Variants in CDK15 observed in about 807,000 individuals in gnomAD.
The protein encoded by CDK15 is cyclin dependent kinase 15.
In CDK15, 62 loss-of-function variants were observed where a neutral mutation model predicts 60.3. The ratio of observed to expected loss-of-function variants is 1.03; its 90% CI spans 0.84 to 1.27. The LOEUF is 1.27. CDK15 is among the 50% of genes most tolerant of loss of function. The pLI is 0.00. For synonymous variants in CDK15, 194 were observed against 195.7 expected, an observed-to-expected ratio of 0.99 and a Z score of 0.07; for missense variants, 541 against 527.8, an observed-to-expected ratio of 1.03 and a Z score of -0.25.
At chr2:201,867,364 C>A (rs1441165012) in intron 10 of CDK15, among the ~76,000 whole-genome samples, 3 of 152,084 alleles carry the variant, frequency 2.0e-5, no homozygotes, top group Non-Finnish European at 4.4e-5. Flanking sequence ...GTGGCTCATG[C>A]CTGTAATCCT....
chr2:201,820,024 A>C (rs1696152132), intron 4 of CDK15, among the ~76,000 whole-genome samples: 1 of 152,214 alleles, frequency 6.6e-6, no homozygotes, highest in Non-Finnish European at 1.5e-5. Context: ...TAATGAACAA[A>C]TCATGCCATC....
At chr2:201,807,377 G>A in intron 1 of CDK15, 117 bp from the exon 2 acceptor site, 2 of 1,090,634 alleles carry the variant, frequency 1.8e-6, no homozygotes, top group Non-Finnish European at 2.6e-6. Context: ...GGGGGTACAG[G>A]AAGCTTAGAA....
intron 12 of CDK15, chr2:201,888,534 A>T (rs1699539954): frequency 3.3e-6 from 5 of 1,504,516 alleles, no homozygotes; most frequent in Non-Finnish European, 4.4e-6. Flanking sequence ...AAGGTTTTGC[A>T]TTTGTGAGAT....
intron 11 of CDK15, among the ~76,000 whole-genome samples, chr2:201,874,808 A>T (rs1359774212): frequency 6.6e-6 from 1 of 152,144 alleles, no homozygotes; most frequent in African/African-American, 2.4e-5. Context: ...CTAGTATTGG[A>T]TGTATTTCTG....
Position 201,895,291 on chromosome 2 carries a change from T to C in CDK15, c.*2024T>C, listed in dbSNP as rs1434191494. 6.6e-6 allele frequency: 1 copy of C among 152,242 alleles called. No individual in the cohort carries two copies. The highest frequency in any genetic ancestry group is 1.9e-4 in the East Asian group (1 of 5,196). The allele number at this position is 152,242 out of a possible 1,614,324, so 9.4% of individuals were successfully genotyped here. ...TACTTGGAATTATGCTTAGATACTA[T>C]TGCTGCAGGAATGAATAGACAAATT... On this transcript the variant is annotated 3_prime_UTR_variant, in exon 14 of 14. Transcript: ENST00000652192.
intron 9 of CDK15, among the ~76,000 whole-genome samples, chr2:201,852,012 T>A (rs540624495): frequency 6.6e-6 from 1 of 152,154 alleles, no homozygotes; most frequent in African/African-American, 2.4e-5. Flanking sequence ...CCTTATATAT[T>A]TTTGATATTA....
chr2:201,809,154 T>C (rs1394515147), intron 3 of CDK15, among the ~76,000 whole-genome samples: 2 of 152,146 alleles, frequency 1.3e-5, no homozygotes, highest in African/African-American at 2.4e-5. Flanking sequence ...AGCTTCCTCA[T>C]ATCAATTTGG....
chr2:201,842,126 T>C (rs1442266923), intron 8 of CDK15, among the ~76,000 whole-genome samples: 7 of 152,176 alleles, frequency 4.6e-5, no homozygotes, highest in Non-Finnish European at 1.0e-4. Flanking sequence ...ACTCTGCACG[T>C]ATTAAATGAT....
chr2:201,890,767 C>G lies in CDK15; in HGVS notation c.1199-18C>G, dbSNP rs577514148. 9 of 1,566,772 alleles carry G rather than the reference C, an allele frequency of 5.7e-6. No homozygotes were observed. Among genetic ancestry groups the G allele is most frequent in the Non-Finnish European group, 7.9e-6 (9 of 1,144,052 alleles). ...CAGGAAATAACATATTGGTGCTTCT[C>G]TCTTTTCATTCCTACAGAGGAGTCT... On this transcript the variant is annotated intron_variant, in intron 12 of 13. Coordinates refer to ENST00000652192, the MANE Select transcript of CDK15 (RefSeq NM_001366386.2).
At chr2:201,819,425 C>T (rs1168934672) in intron 4 of CDK15, among the ~76,000 whole-genome samples, 5 of 152,126 alleles carry the variant, frequency 3.3e-5, no homozygotes, top group Non-Finnish European at 7.3e-5. Flanking sequence ...TGACAGGTCA[C>T]GATGGGCACA....
chr2:201,884,785 G>T (rs1400398641), intron 12 of CDK15, among the ~76,000 whole-genome samples: 1 of 152,218 alleles, frequency 6.6e-6, no homozygotes, highest in African/African-American at 2.4e-5. Context: ...GGAGAATCAT[G>T]TTCCATTCAT....
chr2:201,816,643 G>A (rs112109814), intron 4 of CDK15, among the ~76,000 whole-genome samples: 12 of 152,082 alleles, frequency 7.9e-5, no homozygotes, highest in Non-Finnish European at 1.6e-4. Flanking sequence ...TTTCCTTTGG[G>A]TATATACCCA....
intron 6 of CDK15, chr2:201,824,813 A>G: frequency 2.9e-6 from 2 of 679,922 alleles, no homozygotes; most frequent in South Asian, 2.5e-5. Flanking sequence ...CAGCCATCTG[A>G]AGGACAGTGT....
intron 4 of CDK15, among the ~76,000 whole-genome samples, chr2:201,818,499 G>A (rs970096837): frequency 2.0e-5 from 3 of 152,108 alleles, no homozygotes; most frequent in Admixed American, 1.3e-4. Flanking sequence ...ATCCTGCTGT[G>A]CAGTTTATAA....
intron 12 of CDK15, among the ~76,000 whole-genome samples, chr2:201,881,027 A>C (rs1022195623): frequency 3.3e-5 from 5 of 152,114 alleles, no homozygotes; most frequent in African/African-American, 1.2e-4. Context: ...AAAGCTTAGG[A>C]GGGAGGGCCT....
intron 7 of CDK15, among the ~76,000 whole-genome samples, chr2:201,835,262 A>G (rs1055872776): frequency 1.2e-4 from 19 of 152,084 alleles, no homozygotes; most frequent in African/African-American, 2.4e-4. Context: ...TCCATCCCCA[A>G]TTGTATGTTT....
At chr2:201,862,819 A>G (rs754756945) in intron 10 of CDK15, among the ~76,000 whole-genome samples, 10 of 152,226 alleles carry the variant, frequency 6.6e-5, no homozygotes, top group Non-Finnish European at 1.5e-4. Context: ...AAGGGCAGAT[A>G]TAATGATTTG....
chr2:201,831,429 C>T (rs1237109164), intron 6 of CDK15, among the ~76,000 whole-genome samples: 2 of 152,172 alleles, frequency 1.3e-5, no homozygotes, highest in Non-Finnish European at 2.9e-5. Context: ...TGATGTTGAA[C>T]TGTGCAGACA....
chr2:201,859,221 G>A (rs779636559), intron 10 of CDK15, among the ~76,000 whole-genome samples: 1 of 152,182 alleles, frequency 6.6e-6, no homozygotes, highest in Non-Finnish European at 1.5e-5. Flanking sequence ...AATGGATGCC[G>A]TAGCTAGAAT....
Sources: gnomAD v4.1 joint callset for allele counts (sites outside exome capture counted in the v4.1 genomes callset) on GRCh38, gnomAD v4.1.1 for gene constraint, MANE v1.5 for transcripts, NCBI Gene and HGNC (gene_info 2026-07-23, HGNC 2026-07-21) for gene names.